MRPS9: variants seen among roughly 807,000 people sequenced by gnomAD.
MRPS9 encodes small ribosomal subunit protein uS9m.
Under a neutral mutation model 59.9 loss-of-function variants are expected in MRPS9, and 45 were observed. The ratio of observed to expected loss-of-function variants is 0.75; its 90% CI spans 0.59 to 0.96. MRPS9 has a LOEUF of 0.96. Among genes scored for constraint, MRPS9 ranks in the 40% least tolerant of loss-of-function variants. The pLI is 0.00. For synonymous variants in MRPS9, 171 were observed against 166.8 expected (o/e 1.03, Z -0.19); for missense variants, 473 against 481.1 (o/e 0.98, Z 0.16).
intron 2 of MRPS9, among the ~76,000 whole-genome samples, chr2:105,070,304 TC>T (rs1680090410): frequency 6.6e-6 from 1 of 152,050 alleles, no homozygotes; most frequent in South Asian, 2.1e-4. Flanking sequence ...GTAATTTTGT[TC>T]TGAAAAAAGT....
At chr2:105,061,847 T>C (rs1679912877) in intron 2 of MRPS9, among the ~76,000 whole-genome samples, 1 of 152,154 alleles carries the variant, frequency 6.6e-6, no homozygotes, top group Non-Finnish European at 1.5e-5. Context: ...GTGCTTGTCA[T>C]TTTGCTTTGT....
At chr2:105,083,214 A>G (rs1680382506) in intron 5 of MRPS9, among the ~76,000 whole-genome samples, 1 of 152,236 alleles carries the variant, frequency 6.6e-6, no homozygotes. Flanking sequence ...GTTAAAGAGG[A>G]TATAGATGGC....
chr2:105,080,870 G>A (rs1680318353), intron 5 of MRPS9, among the ~76,000 whole-genome samples: 1 of 151,564 alleles, frequency 6.6e-6, no homozygotes, highest in East Asian at 1.9e-4. Flanking sequence ...CAAACCCAAA[G>A]GACAAAATTC....
At chr2:105,040,371 G>A (rs1045833001) in intron 1 of MRPS9, among the ~76,000 whole-genome samples, 2 of 152,074 alleles carry the variant, frequency 1.3e-5, no homozygotes, top group African/African-American at 2.4e-5. Context: ...CTCTTCAGAG[G>A]TTACAGAAAA....
chr2:105,072,698 T>C (rs1680136329), intron 4 of MRPS9, among the ~76,000 whole-genome samples: 1 of 152,126 alleles, frequency 6.6e-6, no homozygotes, highest in Non-Finnish European at 1.5e-5. Flanking sequence ...AAATAGAAAT[T>C]GGTAAGATAG....
At chr2:105,098,667 T>A (rs1238019693) in intron 10 of MRPS9, 1 of 152,232 alleles carries the variant, frequency 6.6e-6, no homozygotes, top group African/African-American at 2.4e-5. Flanking sequence ...TCCATGCATG[T>A]CCTTTAAGTA....
At chr2:105,061,083 C>G (rs576681156) in intron 2 of MRPS9, among the ~76,000 whole-genome samples, 3 of 130,070 alleles carry the variant, frequency 2.3e-5, no homozygotes, top group African/African-American at 8.8e-5. Flanking sequence ...GCACTCCAGC[C>G]TGGGCGACAG....
At chr2:105,084,686 A>G (rs757513984) in intron 5 of MRPS9, among the ~76,000 whole-genome samples, 24 of 152,188 alleles carry the variant, frequency 1.6e-4, no homozygotes, top group Non-Finnish European at 3.1e-4. Context: ...TAAAGTGCTT[A>G]TTTTAAAAAA....
At chr2:105,090,430 A>G (rs1423690606) in intron 7 of MRPS9, among the ~76,000 whole-genome samples, 1 of 152,222 alleles carries the variant, frequency 6.6e-6, no homozygotes, top group Admixed American at 6.5e-5. Context: ...CTTGTGTGCC[A>G]TATCTGTAAG....
intron 6 of MRPS9, among the ~76,000 whole-genome samples, chr2:105,089,654 A>G (rs902846745): frequency 3.9e-5 from 6 of 152,214 alleles, no homozygotes; most frequent in African/African-American, 1.4e-4. Context: ...TTTAATCTTT[A>G]AGAAATCTGG....
intron 2 of MRPS9, among the ~76,000 whole-genome samples, chr2:105,062,484 T>C (rs549065185): frequency 6.6e-6 from 1 of 152,354 alleles, no homozygotes; most frequent in African/African-American, 2.4e-5. Context: ...AAGTTAGGAA[T>C]GGCCGTTATT....
intron 1 of MRPS9, among the ~76,000 whole-genome samples, chr2:105,043,019 T>C (rs1167756224): frequency 6.6e-6 from 1 of 151,940 alleles, no homozygotes; most frequent in African/African-American, 2.4e-5. Flanking sequence ...TACTTATAGG[T>C]ACTTGAATAT....
In MRPS9 at chr2:105,080,911, G is replaced by GGT. The variant is rs1553442926; in HGVS notation, c.489+849_489+850insGT. Among the ~76,000 whole-genome samples the GGT allele has an allele frequency of 4.6e-3, 636 of 139,730 alleles. 1 individual carries two copies. Among genetic ancestry groups the GGT allele is most frequent in the Non-Finnish European group, 6.9e-3 (431 of 62,918 alleles). The allele number at this position is 139,730 out of a possible 152,430, so 91.7% of individuals were successfully genotyped here. ...TGTCAGGTACATTTATTTCTTGGGGGAAAAAAAAAAACAACCTTCTTTTCG... is the reference window on the plus strand; with the variant it reads ...TGTCAGGTACATTTATTTCTTGGGGGGTAAAAAAAAAAACAACCTTCTTTTCG... On this transcript the variant is annotated intron_variant, in intron 5 of 10. Transcript: ENST00000258455.
chr2:105,044,411 G>A (rs1351098475), intron 1 of MRPS9, among the ~76,000 whole-genome samples: 2 of 152,078 alleles, frequency 1.3e-5, no homozygotes, highest in Non-Finnish European at 2.9e-5. Flanking sequence ...AATAATTCTG[G>A]ACTTTTAATA....
Position 105,082,928 on chromosome 2 carries a change from T to C in MRPS9, c.489+2866T>C, listed in dbSNP as rs116521933. 9.8e-3 allele frequency among the ~76,000 whole-genome samples: 1,500 copies of C among 152,312 alleles called. 25 individuals are homozygous for C. Among genetic ancestry groups the C allele is most frequent in the African/African-American group, 0.035 (1,435 of 41,566 alleles). ...GTATAAAACCATAGTAACAAATGAT[T>C]TCTTAATAAAAAGTAATTTAAATAA... On this transcript the variant is annotated intron_variant, in intron 5 of 10. Coordinates refer to ENST00000258455, the MANE Select transcript of MRPS9 (RefSeq NM_182640.3).
intron 1 of MRPS9, among the ~76,000 whole-genome samples, chr2:105,045,693 A>G (rs1679580067): frequency 6.7e-6 from 1 of 149,392 alleles, no homozygotes; most frequent in Admixed American, 6.6e-5. Context: ...CTCTGGAACT[A>G]AATAGCACAT....
At chr2:105,048,913 C>T (rs12620696) in intron 1 of MRPS9, among the ~76,000 whole-genome samples, 31,100 of 151,786 alleles carry the variant, frequency 0.2, 3,500 homozygotes, top group Middle Eastern at 0.35. Context: ...AGGTAGCATA[C>T]CACTTACAGG....
chr2:105,064,831 C>T (rs1421854855), intron 2 of MRPS9, among the ~76,000 whole-genome samples: 1 of 152,182 alleles, frequency 6.6e-6, no homozygotes, highest in Non-Finnish European at 1.5e-5. Context: ...GCAGACAAAA[C>T]AATTTGCAAA....
intron 4 of MRPS9, among the ~76,000 whole-genome samples, chr2:105,076,023 A>T (rs1680204335): frequency 6.6e-6 from 1 of 152,184 alleles, no homozygotes; most frequent in African/African-American, 2.4e-5. Flanking sequence ...TGGCTAAAAA[A>T]GTATGAATTA....
Sources: allele counts gnomAD v4.1 joint callset (sites outside exome capture counted in the v4.1 genomes callset), GRCh38; gene constraint gnomAD v4.1.1; transcripts MANE v1.5; gene names NCBI Gene and HGNC (gene_info 2026-07-23, HGNC 2026-07-21).